Variants in CNBD2 observed in about 807,000 individuals in gnomAD.
CNBD2 encodes cyclic nucleotide-binding domain-containing protein 2.
A neutral mutation model predicts 63.7 loss-of-function variants in CNBD2; 64 were observed. That is an observed-to-expected ratio of 1.00 (90% CI 0.82 to 1.24). The LOEUF (loss-of-function observed/expected upper bound fraction) is 1.24, where lower values mean the gene tolerates loss of function less well. CNBD2 is among the 50% of genes most tolerant of loss of function. The probability of loss-of-function intolerance (pLI) is 0.00; values close to 1 mark genes in which losing one functional copy is unlikely to be tolerated. For synonymous variants in CNBD2, 229 were observed against 255.4 expected, an observed-to-expected ratio of 0.90 and a Z score of 0.99; for missense variants, 691 against 713.5, an observed-to-expected ratio of 0.97 and a Z score of 0.36.
chr20:35,975,311 T>C (rs2056493320), intron 2 of CNBD2, among the ~76,000 whole-genome samples: 1 of 120,950 alleles, frequency 8.3e-6, no homozygotes, highest in South Asian at 2.4e-4. Flanking sequence ...TCTTTTTTTT[T>C]ATTTTTTGAG....
At chr20:35,997,740 C>T (rs1006448967) in intron 8 of CNBD2, among the ~76,000 whole-genome samples, 4 of 152,140 alleles carry the variant, frequency 2.6e-5, no homozygotes, top group African/African-American at 7.2e-5. Context: ...ATTACCACAA[C>T]AGGCTGCTAG....
At chr20:36,023,118 G>A (rs2057239263) in intron 10 of CNBD2, among the ~76,000 whole-genome samples, 1 of 152,200 alleles carries the variant, frequency 6.6e-6, no homozygotes, top group African/African-American at 2.4e-5. Flanking sequence ...CACGGTTAGA[G>A]GAATTCCATA....
At chr20:36,019,971 C>G (rs1168231236) in intron 10 of CNBD2, among the ~76,000 whole-genome samples, 1 of 152,214 alleles carries the variant, frequency 6.6e-6, no homozygotes, top group Non-Finnish European at 1.5e-5. Context: ...GTTTGTGCCT[C>G]AGTTTCCTCA....
At chr20:35,980,405 G>T in intron 3 of CNBD2, 54 bp from the exon 4 acceptor site, 11 of 1,566,820 alleles carry the variant, frequency 7.0e-6, no homozygotes, top group Non-Finnish European at 8.8e-6. Flanking sequence ...TTGCCCGCTG[G>T]CCCATGGGTG....
At chr20:36,004,859 A>G (rs2056963919) in intron 8 of CNBD2, among the ~76,000 whole-genome samples, 1 of 152,152 alleles carries the variant, frequency 6.6e-6, no homozygotes, top group Non-Finnish European at 1.5e-5. Context: ...CACCGCATCT[A>G]TCCTTCAATG....
intron 8 of CNBD2, among the ~76,000 whole-genome samples, chr20:35,997,018 A>G (rs190687881): frequency 1.3e-5 from 2 of 152,328 alleles, no homozygotes; most frequent in East Asian, 3.9e-4. Context: ...GTCAAGTAGC[A>G]GCCTCTAGAA....
At chr20:36,015,471 A>G (rs1040142666) in intron 10 of CNBD2, among the ~76,000 whole-genome samples, 7 of 152,162 alleles carry the variant, frequency 4.6e-5, no homozygotes, top group South Asian at 2.1e-4. Context: ...CCAGATCATG[A>G]TTTCTAATAC....
At position 36,009,746 on chromosome 20, in the gene CNBD2, C is replaced by T. The variant is rs111337101; in HGVS notation, c.1148+1272C>T. On this transcript the variant is annotated intron_variant, in intron 9 of 11. Transcript: ENST00000373973. ...ACTTGGGAGGCTGAGGCACAAGAAT[C>T]GCTTGAACCCAAGAGGCGGAGGTTG... Among the ~76,000 whole-genome samples, 7 of 152,162 alleles carry T rather than the reference C, an allele frequency of 4.6e-5. 1 individual carries two copies. The highest frequency in any genetic ancestry group is 1.4e-4 in the African/African-American group (6 of 41,536).
intron 8 of CNBD2, among the ~76,000 whole-genome samples, chr20:36,006,047 G>A (rs1402077647): frequency 7.4e-6 from 1 of 135,056 alleles, no homozygotes; most frequent in Non-Finnish European, 1.6e-5. Context: ...TTTTTTTTTT[G>A]AGATAGAGTC....
intron 11 of CNBD2, among the ~76,000 whole-genome samples, chr20:36,027,967 G>A (rs2057301069): frequency 6.6e-6 from 1 of 151,978 alleles, no homozygotes; most frequent in South Asian, 2.1e-4. Context: ...TGCCCAGCCC[G>A]GAAAATCATT....
intron 8 of CNBD2, among the ~76,000 whole-genome samples, chr20:36,006,178 A>G (rs2147312826): frequency 6.6e-6 from 1 of 151,338 alleles, no homozygotes; most frequent in South Asian, 2.1e-4. Flanking sequence ...ACAGGCATGC[A>G]CCACCATGCC....
intron 11 of CNBD2, among the ~76,000 whole-genome samples, chr20:36,025,537 C>T (rs571096484): frequency 3.9e-5 from 6 of 152,042 alleles, no homozygotes; most frequent in Non-Finnish European, 7.4e-5. Context: ...GGTCTCATTA[C>T]GTTGCCCAAG....
chr20:36,030,305 C>T (rs988407012), intron 11 of CNBD2, 52 bp from the exon 12 acceptor site: 4 of 1,584,246 alleles, frequency 2.5e-6, no homozygotes, highest in South Asian at 1.1e-5. Flanking sequence ...GGAGGCAAGG[C>T]TGGAGGGGCG....
chr20:36,012,782 A>G (rs942030837), intron 10 of CNBD2, among the ~76,000 whole-genome samples: 4 of 143,518 alleles, frequency 2.8e-5, no homozygotes, highest in Non-Finnish European at 6.0e-5. Flanking sequence ...AGATCGCGCC[A>G]TTGCACTCCA....
chr20:36,017,960 T>C (rs975563087), intron 10 of CNBD2, among the ~76,000 whole-genome samples: 3 of 152,222 alleles, frequency 2.0e-5, no homozygotes, highest in Non-Finnish European at 2.9e-5. Flanking sequence ...ACTACTGGAT[T>C]CATTGTTTTA....
chr20:35,978,711 C>T (rs573073292), intron 3 of CNBD2, among the ~76,000 whole-genome samples: 10 of 152,234 alleles, frequency 6.6e-5, no homozygotes, highest in South Asian at 4.1e-4. Context: ...AGGCTGGTTT[C>T]GAACTCCTGG....
intron 1 of CNBD2, 145 bp downstream of exon 1, chr20:35,968,958 AG>A: frequency 1.6e-6 from 1 of 629,490 alleles, no homozygotes; most frequent in East Asian, 3.0e-5. Flanking sequence ...GGCACAAAGG[AG>A]GGACCCCTGC....
intron 10 of CNBD2, among the ~76,000 whole-genome samples, chr20:36,016,903 T>C (rs2794376): frequency 0.039 from 5,242 of 133,034 alleles, 312 homozygotes; most frequent in African/African-American, 0.14. Context: ...TACAAAAAAT[T>C]AAAAAGTTAG....
chr20:35,980,526 T>G lies in CNBD2; in HGVS notation c.311T>G (p.Ile104Ser), dbSNP rs199803303. Reference protein sequence around the residue: ...KKPSWRTEDEIQAVCNILQVL... With the variant: ...KKPSWRTEDESQAVCNILQVL... ...CCTTCCTGGAGAACAGAGGATGAGA[T>G]CCAGGCCGTCTGTAACATCTTGCAG... Residue 104 changes from isoleucine to serine, a missense_variant, in exon 4 of 12, where the codon ATC becomes AGC. Ile to Ser is a moderately radical substitution (Grantham distance 142). Coordinates refer to ENST00000373973, the MANE Select transcript of CNBD2 (RefSeq NM_001365709.1). 60 of 1,614,186 alleles carry G rather than the reference T, an allele frequency of 3.7e-5. No homozygotes were observed. Among genetic ancestry groups the G allele is most frequent in the Non-Finnish European group, 4.7e-5 (56 of 1,180,018 alleles).
Sources: allele counts gnomAD v4.1 joint callset (sites outside exome capture counted in the v4.1 genomes callset), GRCh38; gene constraint gnomAD v4.1.1; transcripts MANE v1.5; gene names NCBI Gene and HGNC (gene_info 2026-07-23, HGNC 2026-07-21).